PAPPA: variants seen among roughly 807,000 people sequenced by gnomAD.
The protein encoded by PAPPA is pappalysin-1.
In PAPPA, 60 loss-of-function variants were observed where a neutral mutation model predicts 164.0. The ratio of observed to expected loss-of-function variants is 0.37; its 90% CI spans 0.30 to 0.45. The LOEUF (loss-of-function observed/expected upper bound fraction) is 0.45, where lower values mean the gene tolerates loss of function less well. Among genes scored for constraint, PAPPA ranks in the 20% least tolerant of loss-of-function variants. The pLI is 1.00. For synonymous variants in PAPPA, 875 were observed against 814.1 expected (o/e 1.07, Z -1.27); for missense variants, 1,782 against 2,087.3 (o/e 0.85, Z 2.85).
intron 6 of PAPPA, among the ~76,000 whole-genome samples, chr9:116,228,466 G>T (rs1015454782): frequency 6.6e-6 from 1 of 152,042 alleles, no homozygotes; most frequent in Non-Finnish European, 1.5e-5. Flanking sequence ...GAACTCCTCC[G>T]CTATCCTCTA....
Position 116,399,756 on chromosome 9 carries a change from G to C in PAPPA, c.*3140G>C, listed in dbSNP as rs1273103924. The C allele has an allele frequency of 2.6e-5, 4 of 152,572 alleles. No individual in the cohort carries two copies. The highest frequency in any genetic ancestry group is 5.9e-5 in the Non-Finnish European group (4 of 68,034). 9.5% of individuals were successfully genotyped at this position (152,572 alleles called of 1,614,324 possible). On this transcript the variant is annotated 3_prime_UTR_variant, in exon 22 of 22. Transcript: ENST00000328252. ...ATACAGTCCTTGGGAAATGAGTTTT[G>C]ATGGTGAATTGGGGTGTTAAGGAAG...
Position 116,187,973 on chromosome 9 carries a change from C to G in PAPPA, c.1235C>G (p.Ala412Gly). 1.9e-6 allele frequency: 3 copies of G among 1,614,176 alleles called. No homozygotes were observed. Among genetic ancestry groups the G allele is most frequent in the Non-Finnish European group, 2.5e-6 (3 of 1,180,026 alleles). ...NSSLRRRLIL[A>G]NCDISKIGDE... ...TCCCTTCGCCGCCGCCTCATCCTGG[C>G]CAACTGTGACATCAGCAAGATTGGG... Residue 412 changes from alanine to glycine, a missense_variant, in exon 2 of 22, where the codon GCC becomes GGC. Ala to Gly is a moderately conservative substitution (Grantham distance 60). This residue lies in a region of PAPPA where 1,324 missense variants were observed against 1,656.9 expected (regional missense o/e 0.80). Transcript: ENST00000328252. This position sits in a 1 kb window ranked among gnomAD's most constrained non-coding sequence, Gnocchi z 4.2.
intron 15 of PAPPA, 33 bp from the exon 16 acceptor site, chr9:116,352,673 C>A: frequency 6.4e-7 from 1 of 1,560,676 alleles, no homozygotes; most frequent in East Asian, 2.2e-5. Flanking sequence ...GAGACTCCTC[C>A]CTCCTCTAAC....
At chr9:116,394,440 C>T (rs77612184) in intron 21 of PAPPA, among the ~76,000 whole-genome samples, 5,234 of 152,230 alleles carry the variant, frequency 0.034, 112 homozygotes, top group East Asian at 0.075. Context: ...AATCATTCAA[C>T]GAGTATGAAG....
intron 15 of PAPPA, among the ~76,000 whole-genome samples, chr9:116,352,231 C>A (rs1247770216): frequency 6.6e-6 from 1 of 152,094 alleles, no homozygotes; most frequent in Non-Finnish European, 1.5e-5. Flanking sequence ...AGGTGGTAGG[C>A]AGGACAGATA....
intron 1 of PAPPA, among the ~76,000 whole-genome samples, chr9:116,179,988 T>C (rs1339077817): frequency 6.6e-6 from 1 of 152,110 alleles, no homozygotes; most frequent in Non-Finnish European, 1.5e-5. Context: ...TCACCTCTGC[T>C]TGTATTCTCC....
chr9:116,398,623 AGGTG>A lies in PAPPA; in HGVS notation c.*2008_*2011del, dbSNP rs1847001380. 2 of 1,033,386 alleles carry A rather than the reference AGGTG, an allele frequency of 1.9e-6. No individual in the cohort carries two copies. The highest frequency in any genetic ancestry group is 2.6e-6 in the Non-Finnish European group (2 of 754,770). The allele number at this position is 1,033,386 out of a possible 1,614,324, so 64.0% of individuals were successfully genotyped here. On this transcript the variant is annotated 3_prime_UTR_variant, in exon 22 of 22. Coordinates refer to ENST00000328252, the MANE Select transcript of PAPPA (RefSeq NM_002581.5). ...GCCAATTACACTAAGAAACATATCA[AGGTG>A]CTTTTGGCACAGGTGCCCACAAATA...
rs1234276935 is a variant in PAPPA at position 116,271,324 on chromosome 9, G to T, written c.2862-1G>T. ...ATTTCTCTTCCATATCTGCTCTGCA[G>T]AGACCAAGGTGAACAATGCGACGAC... On this transcript the variant is annotated splice_acceptor_variant, in intron 8 of 21. Coordinates refer to ENST00000328252, the MANE Select transcript of PAPPA (RefSeq NM_002581.5). LOFTEE classifies it high-confidence loss of function. This position sits in a 1 kb window ranked among gnomAD's most constrained non-coding sequence, Gnocchi z 4.2. 1 of 1,612,620 alleles carries T rather than the reference G, an allele frequency of 6.2e-7. No individual in the cohort carries two copies. Among genetic ancestry groups the T allele is most frequent in the Admixed American group, 1.7e-5 (1 of 60,030 alleles).
At chr9:116,336,936 G>A (rs1332348451) in intron 13 of PAPPA, among the ~76,000 whole-genome samples, 2 of 152,164 alleles carry the variant, frequency 1.3e-5, no homozygotes, top group Non-Finnish European at 2.9e-5. Flanking sequence ...TAATAGAAAG[G>A]AACATTATCT....
chr9:116,390,990 T>C (rs1294003317), intron 21 of PAPPA, among the ~76,000 whole-genome samples: 1 of 152,186 alleles, frequency 6.6e-6, no homozygotes, highest in South Asian at 2.1e-4. Context: ...GGACTGTTAG[T>C]ACCTCCTTTT....
intron 2 of PAPPA, among the ~76,000 whole-genome samples, chr9:116,190,309 A>G (rs1322324177): frequency 2.0e-5 from 3 of 152,198 alleles, no homozygotes; most frequent in African/African-American, 7.2e-5. Context: ...TCATCCATTC[A>G]TTTGTACATC....
At chr9:116,229,340 T>C (rs982199516) in intron 6 of PAPPA, among the ~76,000 whole-genome samples, 7 of 152,230 alleles carry the variant, frequency 4.6e-5, no homozygotes, top group Admixed American at 4.6e-4. Flanking sequence ...ATTTGCTTTT[T>C]CCACTCTCAT....
chr9:116,159,323 G>A (rs1225615369), intron 1 of PAPPA, among the ~76,000 whole-genome samples: 3 of 152,228 alleles, frequency 2.0e-5, no homozygotes, highest in Non-Finnish European at 4.4e-5. Flanking sequence ...GCCGGATCTA[G>A]GAAGTAGCTG....
rs768333303 is a variant in PAPPA, at chr9:116,362,701, G to A, written c.4457G>A (p.Ser1486Asn). ...GQCSVPNELN[S>N]NLKLQCPDGY... is the part of the protein sequence containing the mutation. The stretch of plus-strand genomic sequence containing the variant: ...TGCTCGGTTCCAAACGAGCTCAACA[G>A]CAACCTCAAACTGCAGTGCCCTGAT... Residue 1486 changes from serine to asparagine, a missense_variant, in exon 18 of 22, where the codon AGC (serine) becomes AAC (asparagine). Physicochemically the swap from Ser to Asn is conservative, Grantham distance 46. This residue lies in a region of PAPPA where 1,324 missense variants were observed against 1,656.9 expected (regional missense o/e 0.80). Coordinates refer to ENST00000328252, the MANE Select transcript of PAPPA (RefSeq NM_002581.5). The A allele has an allele frequency of 1.0e-4, 161 of 1,613,902 alleles. No homozygotes were observed. Among genetic ancestry groups the A allele is most frequent in the Non-Finnish European group, 1.3e-4 (159 of 1,179,970 alleles).
intron 7 of PAPPA, among the ~76,000 whole-genome samples, chr9:116,240,574 CA>C (rs1844723462): frequency 6.6e-6 from 1 of 152,076 alleles, no homozygotes; most frequent in African/African-American, 2.4e-5. Context: ...ATGGAGAAGC[CA>C]AAATGTAGTA....
At chr9:116,358,133 G>A (rs1846377262) in intron 17 of PAPPA, among the ~76,000 whole-genome samples, 1 of 152,170 alleles carries the variant, frequency 6.6e-6, no homozygotes, top group Non-Finnish European at 1.5e-5. Flanking sequence ...CCCATGTGAT[G>A]TTAGAGCTAG....
chr9:116,387,911 A>C (rs1349147628), intron 21 of PAPPA, among the ~76,000 whole-genome samples: 1 of 152,078 alleles, frequency 6.6e-6, no homozygotes, highest in Non-Finnish European at 1.5e-5. Flanking sequence ...CCAGGAATGG[A>C]GTTCTTGGTA....
intron 4 of PAPPA, among the ~76,000 whole-genome samples, chr9:116,217,126 A>T (rs967423613): frequency 1.1e-4 from 16 of 152,294 alleles, no homozygotes; most frequent in Admixed American, 5.2e-4. Flanking sequence ...ATTTTTATCA[A>T]CAAATGTGAA....
intron 10 of PAPPA, among the ~76,000 whole-genome samples, chr9:116,326,509 A>T (rs183680052): frequency 6.6e-6 from 1 of 152,316 alleles, no homozygotes; most frequent in African/African-American, 2.4e-5. Flanking sequence ...AGTCAAATAC[A>T]TTCAGGCCAG....
Sources: allele counts gnomAD v4.1 joint callset (sites outside exome capture counted in the v4.1 genomes callset), GRCh38; gene constraint gnomAD v4.1.1; regional missense constraint gnomAD v4.1.1; non-coding constraint Gnocchi (gnomAD v3.1); transcripts MANE v1.5; gene names NCBI Gene and HGNC (gene_info 2026-07-23, HGNC 2026-07-21).